PTPRT: variants seen among roughly 807,000 people sequenced by gnomAD.
PTPRT encodes the protein receptor-type tyrosine-protein phosphatase T.
A neutral mutation model predicts 176.8 loss-of-function variants in PTPRT; 56 were observed. The ratio of observed to expected loss-of-function variants is 0.32; its 90% CI spans 0.26 to 0.40. PTPRT has a LOEUF of 0.40. Ranked by LOEUF, PTPRT falls within the 10% of genes least tolerant of loss-of-function variation. The pLI is 1.00. For synonymous variants in PTPRT, 783 were observed against 739.0 expected (o/e 1.06, Z -0.96); for missense variants, 1,540 against 1,908.2 (o/e 0.81, Z 3.60).
intron 1 of PTPRT, among the ~76,000 whole-genome samples, chr20:42,915,847 C>G (rs1188770052): frequency 6.6e-6 from 1 of 152,046 alleles, no homozygotes; most frequent in East Asian, 1.9e-4. Context: ...GATCCTCCTG[C>G]GTCAGTCTCC....
intron 2 of PTPRT, among the ~76,000 whole-genome samples, chr20:42,878,100 A>G (rs895612370): frequency 3.9e-5 from 6 of 152,246 alleles, no homozygotes; most frequent in African/African-American, 1.4e-4. Flanking sequence ...ATATGAAAAC[A>G]AATTCGATAA....
chr20:42,472,205 C>A, intron 8 of PTPRT, 61 bp downstream of exon 8: 1 of 1,544,646 alleles, frequency 6.5e-7, no homozygotes, highest in South Asian at 1.2e-5. Flanking sequence ...AACTGACTGC[C>A]ATGGCCCTGT....
chr20:42,777,600 C>T (rs542728694), intron 4 of PTPRT, among the ~76,000 whole-genome samples: 5 of 152,194 alleles, frequency 3.3e-5, no homozygotes, highest in Non-Finnish European at 7.3e-5. Context: ...GGCTCTTCTG[C>T]TAATCAAACA....
chr20:42,428,150 C>T (rs1202043121), intron 9 of PTPRT, among the ~76,000 whole-genome samples: 2 of 152,162 alleles, frequency 1.3e-5, no homozygotes, highest in Admixed American at 1.3e-4. Flanking sequence ...TGGGGAAACA[C>T]CAACATTCAG....
At chr20:42,822,712 AC>A (rs1424463486) in intron 2 of PTPRT, among the ~76,000 whole-genome samples, 5 of 152,292 alleles carry the variant, frequency 3.3e-5, no homozygotes, top group South Asian at 2.1e-4. Flanking sequence ...CAAGAAAAAA[AC>A]AACCCATCAA....
At chr20:42,269,240 T>A (rs1035608201) in intron 13 of PTPRT, among the ~76,000 whole-genome samples, 8 of 152,218 alleles carry the variant, frequency 5.3e-5, no homozygotes, top group Admixed American at 1.3e-4. Context: ...TCCAGGGAAC[T>A]CAACCTAAGA....
chr20:42,302,846 G>A (rs1181113404), intron 12 of PTPRT, among the ~76,000 whole-genome samples: 5 of 152,180 alleles, frequency 3.3e-5, no homozygotes, highest in African/African-American at 4.8e-5. Flanking sequence ...TGGGGTGTGG[G>A]AGACTGGGTT....
intron 6 of PTPRT, among the ~76,000 whole-genome samples, chr20:42,701,620 C>T (rs185483322): frequency 6.6e-6 from 1 of 152,188 alleles, no homozygotes; most frequent in Non-Finnish European, 1.5e-5. Context: ...CCAGGCATGG[C>T]CAGGGTGAAC....
chr20:43,053,903 T>A (rs2146238168), intron 1 of PTPRT, among the ~76,000 whole-genome samples: 1 of 152,344 alleles, frequency 6.6e-6, no homozygotes, highest in East Asian at 1.9e-4. Flanking sequence ...AAGAAATTAA[T>A]ACATATTTCT....
intron 7 of PTPRT, among the ~76,000 whole-genome samples, chr20:42,536,664 G>A (rs1489036497): frequency 1.3e-5 from 2 of 152,186 alleles, no homozygotes; most frequent in Non-Finnish European, 2.9e-5. Context: ...TACATAAAGT[G>A]TTTATCAGAA....
rs1332111001 is a variant in PTPRT, at chr20:42,315,798, A to G, written c.2064T>C (p.Asn688=). The G allele has an allele frequency of 5.6e-6, 9 of 1,613,954 alleles. No homozygotes were observed. The highest frequency in any genetic ancestry group is 7.6e-6 in the Non-Finnish European group (9 of 1,179,968). Residue 688 remains asparagine, a synonymous_variant, in exon 12 of 31, where the codon AAT becomes AAC. Transcript: ENST00000373187. ...PFTVGDNKTY[N]GYWNPPLSPL... ...GAGAGAGAGGAGGGTTCCAGTAGCCATTGTATGTCTTATTGTCACCCACTG... is the reference window on the plus strand; with the variant it reads ...GAGAGAGAGGAGGGTTCCAGTAGCCGTTGTATGTCTTATTGTCACCCACTG...
At chr20:42,753,839 C>T (rs907326465) in intron 6 of PTPRT, among the ~76,000 whole-genome samples, 1 of 152,236 alleles carries the variant, frequency 6.6e-6, no homozygotes, top group African/African-American at 2.4e-5. Context: ...TCCCATCCTG[C>T]CCCTGAATGG....
intron 6 of PTPRT, among the ~76,000 whole-genome samples, chr20:42,730,062 A>G (rs1168897245): frequency 5.9e-5 from 9 of 152,228 alleles, no homozygotes; most frequent in Admixed American, 5.2e-4. Flanking sequence ...GAAAGGCTCA[A>G]AATGAAAGTA....
At chr20:42,476,659 G>A (rs571716947) in intron 7 of PTPRT, among the ~76,000 whole-genome samples, 1 of 152,300 alleles carries the variant, frequency 6.6e-6, no homozygotes, top group South Asian at 2.1e-4. Context: ...AAGGACTCTG[G>A]TGAACCTAGA....
chr20:43,089,530 T>C (rs1568778158), intron 1 of PTPRT, among the ~76,000 whole-genome samples: 1 of 152,156 alleles, frequency 6.6e-6, no homozygotes, highest in Non-Finnish European at 1.5e-5. Context: ...TCCCAGTAAA[T>C]AACTACAAGT....
intron 2 of PTPRT, among the ~76,000 whole-genome samples, chr20:42,856,054 C>T (rs2145776578): frequency 6.6e-6 from 1 of 152,284 alleles, no homozygotes; most frequent in African/African-American, 2.4e-5. Context: ...GCAGCTGACT[C>T]ATTTTGAAAC....
At chr20:42,255,417 A>C (rs2056621156) in intron 13 of PTPRT, among the ~76,000 whole-genome samples, 1 of 152,180 alleles carries the variant, frequency 6.6e-6, no homozygotes, top group African/African-American at 2.4e-5. Flanking sequence ...TGACCTTAGC[A>C]CTGGATCCAG....
rs553605594 is a variant in PTPRT at position 42,783,330 on chromosome 20, T to C, written c.487-3031A>G. On this transcript the variant is annotated intron_variant, in intron 3 of 30. Transcript: ENST00000373187. ...TATTTGTAATACCTATGTCAGCTAA[T>C]ATGAAAATATCCTTTTTTATGTGTA... is the stretch of plus-strand genomic sequence containing the variant. Among the ~76,000 whole-genome samples the C allele has an allele frequency of 4.0e-5, 6 of 151,700 alleles. No homozygotes were observed. The South Asian group carries it at 1.2e-3, about 31-fold the overall frequency.
chr20:42,692,805 C>T (rs1290494557), intron 6 of PTPRT, among the ~76,000 whole-genome samples: 3 of 151,920 alleles, frequency 2.0e-5, no homozygotes, highest in African/African-American at 7.3e-5. Context: ...AGAAAAGTTC[C>T]ATAGATTAAA....
Sources: gnomAD v4.1 joint callset for allele counts (sites outside exome capture counted in the v4.1 genomes callset) on GRCh38, gnomAD v4.1.1 for gene constraint, MANE v1.5 for transcripts, NCBI Gene and HGNC (gene_info 2026-07-23, HGNC 2026-07-21) for gene names.